Variants in UGT2B15 observed in about 807,000 individuals in gnomAD.
UGT2B15 encodes UDP glucuronosyltransferase family 2 member B15.
Under a neutral mutation model 45.9 loss-of-function variants are expected in UGT2B15, and 36 were observed. The observed-to-expected ratio is 0.78, with a 90% CI of 0.60 to 1.04. UGT2B15 has a LOEUF of 1.04. Ranked by LOEUF, UGT2B15 falls within the 50% of genes least tolerant of loss-of-function variation. UGT2B15 has a pLI of 0.00. For missense variants in UGT2B15, 617 were observed against 622.4 expected, an observed-to-expected ratio of 0.99 and a Z score of 0.09; for synonymous variants, 219 against 216.4, an observed-to-expected ratio of 1.01 and a Z score of -0.11.
At chr4:68,651,127 T>C (rs1434002631) in intron 5 of UGT2B15, among the ~76,000 whole-genome samples, 1 of 151,986 alleles carries the variant, frequency 6.6e-6, no homozygotes, top group Non-Finnish European at 1.5e-5. Flanking sequence ...CGATAGTTTA[T>C]TTTGCTGTGC....
At chr4:68,665,332 T>C (rs1733088410) in intron 2 of UGT2B15, among the ~76,000 whole-genome samples, 1 of 152,228 alleles carries the variant, frequency 6.6e-6, no homozygotes, top group Admixed American at 6.5e-5. Context: ...CTCATCATTT[T>C]GTTCCTTAGT....
At chr4:68,647,448 A>G in intron 5 of UGT2B15, 65 bp from the exon 6 acceptor site, 2 of 1,497,534 alleles carry the variant, frequency 1.3e-6, no homozygotes, top group Non-Finnish European at 1.8e-6. Context: ...TATCAAGTCT[A>G]TGGATGGTCT....
intron 3 of UGT2B15, among the ~76,000 whole-genome samples, chr4:68,662,418 G>C (rs1732993517): frequency 6.8e-6 from 1 of 147,880 alleles, no homozygotes; most frequent in Admixed American, 6.8e-5. Context: ...AAATCTACTT[G>C]GCTAGGTGGG....
At chr4:68,654,547 A>C (rs1306678096) in intron 4 of UGT2B15, among the ~76,000 whole-genome samples, 1 of 151,888 alleles carries the variant, frequency 6.6e-6, no homozygotes, top group Non-Finnish European at 1.5e-5. Flanking sequence ...ATATTTAAAA[A>C]ATATTTAAAT....
chr4:68,651,787 G>A (rs189520712), intron 5 of UGT2B15, among the ~76,000 whole-genome samples: 8 of 152,202 alleles, frequency 5.3e-5, no homozygotes, highest in Admixed American at 3.3e-4. Flanking sequence ...TTGTAGTACA[G>A]TTTGAAGTCA....
chr4:68,670,343 T>G lies in UGT2B15; in HGVS notation c.276A>C (p.Lys92Asn), dbSNP rs1560613427. Reference protein sequence around the residue: ...TKNYLEDSLLKILDRWIYGVS... With the variant: ...TKNYLEDSLLNILDRWIYGVS... ...CACCATATATCCATCTATCGAGAAT[T>G]TTCAGAAGAGAATCTTCCAAATAAT... The change falls in exon 1 of 6, where the codon AAA (lysine) becomes AAC (asparagine). Residue 92 changes from lysine to asparagine, a missense_variant. Lys to Asn is a moderately conservative substitution (Grantham distance 94, BLOSUM62 0). This residue lies in a region of UGT2B15 where 351 missense variants were observed against 342.1 expected (regional missense o/e 1.03). Transcript: ENST00000338206. 1 of 1,613,478 alleles carries G rather than the reference T, an allele frequency of 6.2e-7. No individual in the cohort carries two copies.
intron 3 of UGT2B15, among the ~76,000 whole-genome samples, chr4:68,660,776 C>G (rs1732941240): frequency 6.6e-6 from 1 of 151,596 alleles, no homozygotes; most frequent in South Asian, 2.1e-4. Context: ...ACCATTTTTC[C>G]TAGTTTGGAG....
At position 68,670,386 on chromosome 4, in the gene UGT2B15, G is replaced by A; in HGVS notation, c.233C>T (p.Pro78Leu). The A allele has an allele frequency of 6.2e-7, 1 of 1,613,552 alleles. No homozygotes were observed. The highest frequency in any genetic ancestry group is 8.5e-7 in the Non-Finnish European group (1 of 1,179,904). Reference sequence around the variant, plus strand: ...CAAATAATTTTTAGTTAAAGATGTAGGATAAACTTCTAATTTAATAGCAGA... The same window carrying A: ...CAAATAATTTTTAGTTAAAGATGTAAGATAAACTTCTAATTTAATAGCAGA... ...KSSAIKLEVY[P>L]TSLTKNYLED... The change falls in exon 1 of 6, where the codon CCT (proline) becomes CTT (leucine). Residue 78 changes from proline (P) to leucine (L), a missense_variant. By Grantham distance (98) the Pro-to-Leu change is moderately conservative (BLOSUM62 -3). This residue lies in a region of UGT2B15 where 351 missense variants were observed against 342.1 expected (regional missense o/e 1.03). Transcript: ENST00000338206.
At chr4:68,658,104 A>G (rs1183766763) in intron 3 of UGT2B15, among the ~76,000 whole-genome samples, 3 of 152,082 alleles carry the variant, frequency 2.0e-5, no homozygotes, top group Non-Finnish European at 4.4e-5. Context: ...CAGATTACCT[A>G]TTGAAACAGG....
chr4:68,661,328 T>C (rs984572831), intron 3 of UGT2B15, among the ~76,000 whole-genome samples: 7 of 152,002 alleles, frequency 4.6e-5, no homozygotes, highest in African/African-American at 1.7e-4. Context: ...CTGCTTCAAG[T>C]TGGCAAAAAT....
Position 68,647,159 on chromosome 4 carries a change from C to G in UGT2B15, c.1538G>C (p.Cys513Ser), listed in dbSNP as rs779082639. The change falls in exon 6 of 6, where the codon TGC becomes TCC. Residue 513 changes from cysteine (C) to serine (S), a missense_variant. Coordinates refer to ENST00000338206, the MANE Select transcript of UGT2B15 (RefSeq NM_001076.4). The part of the protein sequence containing the change: ...ATVIFIITKF[C>S]LFCFRKLAKK... ...GGCAAGCTTTCGGAAACAAAACAGG[C>G]AAAATTTTGTGATGATAAATATCAC... is the stretch of plus-strand genomic sequence containing the variant. 2 of 1,613,718 alleles carry G rather than the reference C, an allele frequency of 1.2e-6. No individual in the cohort carries two copies. Among genetic ancestry groups the G allele is most frequent in the Middle Eastern group, 1.7e-4 (1 of 6,060 alleles).
intron 3 of UGT2B15, among the ~76,000 whole-genome samples, chr4:68,660,438 A>G (rs1035508788): frequency 1.3e-5 from 2 of 151,964 alleles, no homozygotes; most frequent in African/African-American, 4.8e-5. Context: ...AAAAAGTCCT[A>G]TCTGAGATTC....
chr4:68,662,583 C>T (rs1332461621), intron 3 of UGT2B15, among the ~76,000 whole-genome samples: 4 of 148,856 alleles, frequency 2.7e-5, no homozygotes, highest in Non-Finnish European at 5.9e-5. Flanking sequence ...AAAGTTTTTT[C>T]GATACCTGCT....
intron 3 of UGT2B15, among the ~76,000 whole-genome samples, chr4:68,660,638 T>C (rs1732935548): frequency 6.6e-6 from 1 of 152,000 alleles, no homozygotes; most frequent in African/African-American, 2.4e-5. Context: ...AGTATACCTG[T>C]TGTTAGATTC....
chr4:68,661,298 G>C (rs1381386563), intron 3 of UGT2B15, among the ~76,000 whole-genome samples: 6 of 151,998 alleles, frequency 3.9e-5, no homozygotes, highest in Non-Finnish European at 8.8e-5. Context: ...TAATCAGAAA[G>C]TCAAAGGAAT....
At chr4:68,658,789 A>G (rs1287591632) in intron 3 of UGT2B15, among the ~76,000 whole-genome samples, 13 of 152,070 alleles carry the variant, frequency 8.5e-5, no homozygotes, top group South Asian at 6.2e-4. Flanking sequence ...TTCAACTCAT[A>G]TAAGTTTTTT....
At chr4:68,655,019 T>A in intron 4 of UGT2B15, 76 bp downstream of exon 4, 1 of 1,488,842 alleles carries the variant, frequency 6.7e-7, no homozygotes, top group Non-Finnish European at 9.2e-7. Flanking sequence ...GCTAAATATG[T>A]TTGTTTTATG....
intron 5 of UGT2B15, among the ~76,000 whole-genome samples, chr4:68,650,887 C>G (rs1157693375): frequency 6.6e-6 from 1 of 151,676 alleles, no homozygotes; most frequent in Non-Finnish European, 1.5e-5. Context: ...ATTTGCATTT[C>G]TCTAATGATC....
At chr4:68,655,288 A>G in intron 3 of UGT2B15, 106 bp from the exon 4 acceptor site, 1 of 1,370,002 alleles carries the variant, frequency 7.3e-7, no homozygotes, top group Middle Eastern at 1.9e-4. Context: ...CATATAAAAG[A>G]TGAAGAAATA....
Sources: allele counts gnomAD v4.1 joint callset (sites outside exome capture counted in the v4.1 genomes callset), GRCh38; gene constraint gnomAD v4.1.1; regional missense constraint gnomAD v4.1.1; transcripts MANE v1.5; gene names NCBI Gene and HGNC (gene_info 2026-07-23, HGNC 2026-07-21).